The following GOLGA7 variants were observed in gnomAD, a reference collection of about 807,000 sequenced individuals.
GOLGA7 encodes the protein golgin A7.
In GOLGA7, 10 loss-of-function variants were observed where a neutral mutation model predicts 21.1. The observed-to-expected ratio is 0.47, with a 90% CI of 0.29 to 0.80. The LOEUF is 0.80. GOLGA7 is among the 30% of genes least tolerant of loss of function. The probability of loss-of-function intolerance (pLI) is 0.08; values close to 1 mark genes in which losing one functional copy is unlikely to be tolerated. For missense variants in GOLGA7, 114 were observed against 166.8 expected (o/e 0.68, Z 1.74); for synonymous variants, 64 against 62.6 (o/e 1.02, Z -0.10).
chr8:41,495,310 G>A (rs1805983714), intron 1 of GOLGA7, among the ~76,000 whole-genome samples: 1 of 150,666 alleles, frequency 6.6e-6, no homozygotes, highest in African/African-American at 2.4e-5. Context: ...TTTGAGACAG[G>A]GTCTCACTCT....
At chr8:41,497,913 A>G (rs936782198) in intron 2 of GOLGA7, among the ~76,000 whole-genome samples, 6 of 152,192 alleles carry the variant, frequency 3.9e-5, no homozygotes, top group African/African-American at 1.4e-4. Context: ...TAGAAAATCT[A>G]TATGTTCTCT....
intron 3 of GOLGA7, among the ~76,000 whole-genome samples, chr8:41,506,768 TAAG>T (rs1323793432): frequency 6.6e-6 from 1 of 152,202 alleles, no homozygotes; most frequent in African/African-American, 2.4e-5. Context: ...GATTCTCAGT[TAAG>T]AACTCCCTAG....
At position 41,505,740 on chromosome 8, in the gene GOLGA7, A is replaced by G. The variant is rs138530915; in HGVS notation, c.265-171A>G. The G allele has an allele frequency of 7.7e-4, 373 of 482,196 alleles. 1 individual carries two copies. The highest frequency in any genetic ancestry group is 7.2e-3 in the African/African-American group (357 of 49,624). The allele number at this position is 482,196 out of a possible 1,614,324, so 29.9% of individuals were successfully genotyped here. On this transcript the variant is annotated intron_variant, in intron 2 of 4. Coordinates refer to ENST00000357743, the MANE Select transcript of GOLGA7 (RefSeq NM_001002296.2). ...GGAAGAGTCCCTCACACTTGGCTGT[A>G]TGTCATATGCAACTCATGTGAGCCA...
chr8:41,503,864 T>G (rs560182981), intron 2 of GOLGA7, among the ~76,000 whole-genome samples: 1 of 151,112 alleles, frequency 6.6e-6, no homozygotes, highest in South Asian at 2.1e-4. Context: ...CCAGCTTTGT[T>G]CTTTTGGCTT....
chr8:41,507,252 A>C, intron 4 of GOLGA7, 131 bp downstream of exon 4: 2 of 624,780 alleles, frequency 3.2e-6, no homozygotes. Flanking sequence ...GTGTTAGCTT[A>C]AGCTAGTCAC....
chr8:41,497,088 G>T (rs1806037047), intron 1 of GOLGA7, among the ~76,000 whole-genome samples: 1 of 151,576 alleles, frequency 6.6e-6, no homozygotes, highest in Non-Finnish European at 1.5e-5. Flanking sequence ...GGGATTACAG[G>T]CATGAGCCAC....
rs575568993 is a variant in GOLGA7, at chr8:41,510,297, G to T, written c.*729G>T. The T allele has an allele frequency of 6.6e-6, 1 of 152,494 alleles. No individual in the cohort carries two copies. The highest frequency in any genetic ancestry group is 1.9e-4 in the East Asian group (1 of 5,196). 9.4% of individuals were successfully genotyped at this position (152,494 alleles called of 1,614,324 possible). On this transcript the variant is annotated 3_prime_UTR_variant, in exon 5 of 5. Transcript: ENST00000357743. ...CTTGAATGTTGGAAAGATATGATAC[G>T]TGCTGCTTGTTCATCACAAAAATCA...
rs1806388966 is a variant in GOLGA7 at position 41,510,223 on chromosome 8, G to A, written c.*655G>A. 1 of 152,500 alleles carries A rather than the reference G, an allele frequency of 6.6e-6. No individual in the cohort carries two copies. The highest frequency in any genetic ancestry group is 1.5e-5 in the Non-Finnish European group (1 of 68,000). The allele number at this position is 152,500 out of a possible 1,614,324, so 9.4% of individuals were successfully genotyped here. A position where few individuals can be genotyped will look rare whatever the true frequency, so the allele number is the denominator to read the frequency against. ...ATGCCTAATTAAAGCAGTATTTAAT[G>A]CAATTTCCAGTTATTTCTTTGGAGA... is the stretch of plus-strand genomic sequence containing the variant. On this transcript the variant is annotated 3_prime_UTR_variant, in exon 5 of 5. Coordinates refer to ENST00000357743, the MANE Select transcript of GOLGA7 (RefSeq NM_001002296.2).
chr8:41,493,181 GTGT>G (rs1373984793), intron 1 of GOLGA7, among the ~76,000 whole-genome samples: 1 of 152,186 alleles, frequency 6.6e-6, no homozygotes, highest in Admixed American at 6.5e-5. Flanking sequence ...TTGATTGTCT[GTGT>G]ATGTGTGTTG....
At position 41,501,328 on chromosome 8, in the gene GOLGA7, A is replaced by C. The variant is rs376572674; in HGVS notation, c.264+3667A>C. On this transcript the variant is annotated intron_variant, in intron 2 of 4. Transcript: ENST00000357743. The stretch of plus-strand genomic sequence containing the variant: ...GGTCGATTTTTTTTTTTTTTAATTG[A>C]GACAGAGTCTTGCTCTGTCACCCGG... Among the ~76,000 whole-genome samples the C allele has an allele frequency of 8.7e-5, 13 of 149,848 alleles. No individual in the cohort carries two copies. In the East Asian group the frequency reaches 2.3e-3, roughly 27 times the overall value.
At chr8:41,491,326 G>A (rs1014046942) in intron 1 of GOLGA7, among the ~76,000 whole-genome samples, 4 of 152,178 alleles carry the variant, frequency 2.6e-5, no homozygotes, top group Non-Finnish European at 4.4e-5. Flanking sequence ...TCAGTCACCA[G>A]GTTGTAAACT....
chr8:41,498,738 T>C (rs1352449949), intron 2 of GOLGA7, among the ~76,000 whole-genome samples: 1 of 152,252 alleles, frequency 6.6e-6, no homozygotes, highest in African/African-American at 2.4e-5. Flanking sequence ...TTATTTGCCT[T>C]TCAAGTATGT....
At chr8:41,497,099 C>T (rs564927294) in intron 1 of GOLGA7, among the ~76,000 whole-genome samples, 9 of 151,780 alleles carry the variant, frequency 5.9e-5, no homozygotes, top group Non-Finnish European at 1.2e-4. Context: ...CATGAGCCAC[C>T]GCACCTGGCC....
In GOLGA7 at chr8:41,507,008, C is replaced by T. The variant is rs753570949; in HGVS notation, c.367-51C>T. ...ACACCCTCCACCTTGCCAAGTCCCCCTTTGTGTGTTGTGTCCTGTAGTGTG... is the reference window on the plus strand; with the variant it reads ...ACACCCTCCACCTTGCCAAGTCCCCTTTTGTGTGTTGTGTCCTGTAGTGTG... On this transcript the variant is annotated intron_variant, in intron 3 of 4. Coordinates refer to ENST00000357743, the MANE Select transcript of GOLGA7 (RefSeq NM_001002296.2). 1.3e-4 allele frequency: 117 copies of T among 871,144 alleles called. 3 individuals carry two copies. The South Asian group carries it at 1.5e-3, about 11-fold the overall frequency. The allele number at this position is 871,144 out of a possible 1,614,324, so 54.0% of individuals were successfully genotyped here.
At chr8:41,501,633 C>T (rs1439041222) in intron 2 of GOLGA7, among the ~76,000 whole-genome samples, 6 of 152,116 alleles carry the variant, frequency 3.9e-5, no homozygotes, top group Non-Finnish European at 7.4e-5. Flanking sequence ...TGGCCTCAAG[C>T]GATCCTCCCG....
chr8:41,490,620 T>G lies in GOLGA7; in HGVS notation c.-235T>G. On this transcript the variant is annotated 5_prime_UTR_variant, in exon 1 of 5. Transcript: ENST00000357743. ...CAGCTGGAGGGCAGAGGAGGCGGGT[T>G]TGTGTTTCCCGGGCCGAACCGGGTT... 1.6e-5 allele frequency: 8 copies of G among 497,546 alleles called. No individual in the cohort carries two copies. The highest frequency in any genetic ancestry group is 3.6e-5 in the East Asian group (1 of 28,080). 30.8% of individuals were successfully genotyped at this position (497,546 alleles called of 1,614,324 possible).
intron 1 of GOLGA7, among the ~76,000 whole-genome samples, chr8:41,495,283 TTTTC>T (rs1805982588): frequency 6.6e-6 from 1 of 151,664 alleles, no homozygotes; most frequent in African/African-American, 2.4e-5. Context: ...TGAGGGTTTT[TTTTC>T]TTTCTTTCTT....
intron 1 of GOLGA7, among the ~76,000 whole-genome samples, chr8:41,496,411 G>A (rs565460552): frequency 6.6e-6 from 1 of 152,176 alleles, no homozygotes; most frequent in East Asian, 1.9e-4. Flanking sequence ...GAGCCTTTCT[G>A]ACTTCAGAAT....
At chr8:41,496,379 T>G (rs552002100) in intron 1 of GOLGA7, among the ~76,000 whole-genome samples, 21 of 152,242 alleles carry the variant, frequency 1.4e-4, no homozygotes, top group African/African-American at 4.8e-4. Flanking sequence ...ATCATGTCAG[T>G]GCTCAAAAGT....
Sources: gnomAD v4.1 joint callset for allele counts (sites outside exome capture counted in the v4.1 genomes callset) on GRCh38, gnomAD v4.1.1 for gene constraint, MANE v1.5 for transcripts, NCBI Gene and HGNC (gene_info 2026-07-23, HGNC 2026-07-21) for gene names.